PCDHGA4: variants seen among roughly 807,000 people sequenced by gnomAD.
PCDHGA4 encodes protocadherin gamma-A4.
Under a neutral mutation model 54.6 loss-of-function variants are expected in PCDHGA4, and 38 were observed. The observed-to-expected ratio is 0.70, with a 90% CI of 0.54 to 0.91. PCDHGA4 has a LOEUF of 0.91. PCDHGA4 is among the 40% of genes least tolerant of loss of function. PCDHGA4 has a pLI of 0.00. For synonymous variants in PCDHGA4, 511 were observed against 512.9 expected (o/e 1.00, Z 0.05); for missense variants, 1,298 against 1,220.9 (o/e 1.06, Z -0.94).
In PCDHGA4 at chr5:141,432,661, C is replaced by T; in HGVS notation, c.2515-62146C>T. ...TGCGCACGGCGCGAGCCCTGCTGGACAGAGACGCGCTCAAGCAGAGCCTCG... is the reference window on the plus strand; with the variant it reads ...TGCGCACGGCGCGAGCCCTGCTGGATAGAGACGCGCTCAAGCAGAGCCTCG... On this transcript the variant is annotated intron_variant, in intron 1 of 3. Transcript: ENST00000571252. This position sits in a 1 kb window ranked among gnomAD's most constrained non-coding sequence, Gnocchi z 6.0. 3.1e-6 allele frequency: 5 copies of T among 1,613,886 alleles called. No homozygotes were observed. In the South Asian group the frequency reaches 5.5e-5, roughly 18 times the overall value.
chr5:141,389,504 C>A (rs564944158), intron 1 of PCDHGA4: 1 of 1,613,088 alleles, frequency 6.2e-7, no homozygotes, highest in African/African-American at 1.3e-5. Flanking sequence ...CGCCAGCGCT[C>A]AGCGCGAACG....
chr5:141,408,184 G>A, intron 1 of PCDHGA4: 1 of 1,541,100 alleles, frequency 6.5e-7, no homozygotes, highest in Non-Finnish European at 8.8e-7. Flanking sequence ...CGGGGACCCA[G>A]CGAGAACCCG....
intron 1 of PCDHGA4, chr5:141,367,404 GCA>G (rs1765111997): frequency 2.0e-5 from 3 of 152,244 alleles, no homozygotes; most frequent in African/African-American, 7.2e-5. Flanking sequence ...GGGCGTGGTG[GCA>G]GGCGCCTGTA....
Position 141,485,602 on chromosome 5 carries a change from G to A in PCDHGA4, c.2515-9205G>A, listed in dbSNP as rs766134158. On this transcript the variant is annotated intron_variant, in intron 1 of 3. Transcript: ENST00000571252. The surrounding 1 kb of genome is among the most constrained non-coding windows in gnomAD (Gnocchi z 5.7). ...GGCAGCAGCTGGACTTGGAAATTGG[G>A]GAGGCAGCTCCTCCAGGACAGCGTT... is the stretch of plus-strand genomic sequence containing the variant. 2.5e-6 allele frequency: 4 copies of A among 1,612,418 alleles called. No individual in the cohort carries two copies. In the Admixed American group the frequency reaches 5.0e-5, roughly 20 times the overall value.
chr5:141,415,783 A>G, intron 1 of PCDHGA4: 1 of 1,344,604 alleles, frequency 7.4e-7, no homozygotes, highest in Non-Finnish European at 9.5e-7. Context: ...ACTTTCTGGT[A>G]AAATTCACCT....
At position 141,419,312 on chromosome 5, in the gene PCDHGA4, G is replaced by C. The variant is rs35892780; in HGVS notation, c.2514+61691G>C. On this transcript the variant is annotated intron_variant, in intron 1 of 3. Transcript: ENST00000571252. ...CTCTGACCCAGACTTCGGGCTCAAC[G>C]GCCGTGTCTCCTACTCTCTCATTGC... 1.0e-3 allele frequency: 1,689 copies of C among 1,613,962 alleles called. 4 individuals are homozygous for C. Among genetic ancestry groups the C allele is most frequent in the Middle Eastern group, 5.3e-3 (32 of 6,062 alleles).
At chr5:141,427,929 T>A in intron 1 of PCDHGA4, 1 of 1,582,776 alleles carries the variant, frequency 6.3e-7, no homozygotes, top group South Asian at 1.1e-5. Flanking sequence ...CCGGCGCATG[T>A]TGGTGGGCGA....
intron 1 of PCDHGA4, chr5:141,384,968 C>T (rs1345751127): frequency 1.2e-6 from 2 of 1,613,962 alleles, no homozygotes; most frequent in East Asian, 2.2e-5. Context: ...TATGACCTCA[C>T]GTTGTACCTG....
At chr5:141,496,289 G>A (rs1347634489) in intron 2 of PCDHGA4, among the ~76,000 whole-genome samples, 3 of 152,224 alleles carry the variant, frequency 2.0e-5, no homozygotes, top group Non-Finnish European at 4.4e-5. Flanking sequence ...GGTCTGAGCA[G>A]AGTGGGATAG....
intron 1 of PCDHGA4, chr5:141,392,656 G>T: frequency 1.3e-6 from 1 of 748,568 alleles, no homozygotes; most frequent in South Asian, 2.2e-5. Context: ...ACCCGCAGAT[G>T]CCACAAACTA....
At chr5:141,404,841 G>C (rs765291212) in intron 1 of PCDHGA4, 4 of 1,613,886 alleles carry the variant, frequency 2.5e-6, no homozygotes, top group African/African-American at 1.3e-5. Context: ...CGCACAGCTC[G>C]GGCCCTGCTA....
At chr5:141,365,601 T>C in intron 1 of PCDHGA4, 1 of 1,613,644 alleles carries the variant, frequency 6.2e-7, no homozygotes, top group Non-Finnish European at 8.5e-7. Context: ...ACTTTAACCG[T>C]CATGGACCAT....
Position 141,511,015 on chromosome 5 carries a change from C to T in PCDHGA4, c.2731C>T (p.Pro911Ser), listed in dbSNP as rs1430257603. The T allele has an allele frequency of 1.2e-6, 2 of 1,614,106 alleles. No homozygotes were observed. The highest frequency in any genetic ancestry group is 1.3e-5 in the African/African-American group (1 of 74,936). The stretch of plus-strand genomic sequence containing the variant: ...CATGGGATTGAGCGCCCGCTACGGA[C>T]CCCAGTTCACCCTGCAGCACGTGCC... ...GTMGLSARYG[P>S]QFTLQHVPDY... Residue 911 changes from proline (P) to serine (S), a missense_variant, in exon 4 of 4, where the codon CCC (proline) becomes TCC (serine). Coordinates refer to ENST00000571252, the MANE Select transcript of PCDHGA4 (RefSeq NM_018917.4).
intron 1 of PCDHGA4, chr5:141,416,686 T>C (rs1341005031): frequency 6.6e-6 from 1 of 152,244 alleles, no homozygotes; most frequent in African/African-American, 2.4e-5. Flanking sequence ...AGGGAAATTA[T>C]ATAAACAAAG....
Position 141,372,133 on chromosome 5 carries a change from G to A in PCDHGA4, c.2514+14512G>A, listed in dbSNP as rs576893125. Reference sequence around the variant, plus strand: ...TCTGCGCTCTTCGATATGGTGCCGCGCTCTGCAGAGCCTGGCTACCTGGTG... The same window carrying A: ...TCTGCGCTCTTCGATATGGTGCCGCACTCTGCAGAGCCTGGCTACCTGGTG... On this transcript the variant is annotated intron_variant, in intron 1 of 3. Coordinates refer to ENST00000571252, the MANE Select transcript of PCDHGA4 (RefSeq NM_018917.4). 1.4e-5 allele frequency: 23 copies of A among 1,613,666 alleles called. No individual in the cohort carries two copies. The East Asian group carries it at 5.1e-4, about 36-fold the overall frequency.
chr5:141,476,070 C>T lies in PCDHGA4; in HGVS notation c.2515-18737C>T. ...CCCGCTGAAAGTTTCTCAGCGAAAT[C>T]TCAGGGACGATCTGGACCCCGCTGA... is the stretch of plus-strand genomic sequence containing the variant. On this transcript the variant is annotated intron_variant, in intron 1 of 3. Transcript: ENST00000571252. This position sits in a 1 kb window ranked among gnomAD's most constrained non-coding sequence, Gnocchi z 7.6. 6.6e-7 allele frequency: 1 copy of T among 1,522,382 alleles called. No individual in the cohort carries two copies. The highest frequency in any genetic ancestry group is 1.3e-5 in the South Asian group (1 of 77,762). 94.3% of individuals were successfully genotyped at this position (1,522,382 alleles called of 1,614,324 possible). A position where few individuals can be genotyped will look rare whatever the true frequency, so the allele number is the denominator to read the frequency against.
At chr5:141,438,591 C>CATACATAT (rs1228520343) in intron 1 of PCDHGA4, among the ~76,000 whole-genome samples, 2 of 75,562 alleles carry the variant, frequency 2.6e-5, no homozygotes, top group African/African-American at 4.5e-5. Context: ...TACATACATA[C>CATACATAT]ATATATATAT....
intron 1 of PCDHGA4, chr5:141,376,682 T>TTTTTTTTG (rs1773145441): frequency 1.3e-6 from 1 of 786,082 alleles, no homozygotes; most frequent in African/African-American, 1.9e-5. Flanking sequence ...TATCGTTTTT[T>TTTTTTTTG]TTTTTTTTTT....
Position 141,476,191 on chromosome 5 carries a change from C to T in PCDHGA4, c.2515-18616C>T. The T allele has an allele frequency of 6.2e-7, 1 of 1,613,860 alleles. No homozygotes were observed. The highest frequency in any genetic ancestry group is 8.5e-7 in the Non-Finnish European group (1 of 1,180,006). ...TGGGAGTTTTGCTTCTGCTTGGTGC[C>T]TTGAACAAGGCTTCCACGGTCATTC... On this transcript the variant is annotated intron_variant, in intron 1 of 3. Transcript: ENST00000571252. This position sits in a 1 kb window ranked among gnomAD's most constrained non-coding sequence, Gnocchi z 7.6.
Sources: allele counts gnomAD v4.1 joint callset (sites outside exome capture counted in the v4.1 genomes callset), GRCh38; gene constraint gnomAD v4.1.1; non-coding constraint Gnocchi (gnomAD v3.1); transcripts MANE v1.5; gene names NCBI Gene and HGNC (gene_info 2026-07-23, HGNC 2026-07-21).